NRK: variants seen among roughly 807,000 people sequenced by gnomAD.
NRK encodes the protein Nik related kinase.
A neutral mutation model predicts 125.2 loss-of-function variants in NRK; 67 were observed. The ratio of observed to expected loss-of-function variants is 0.54; its 90% CI spans 0.44 to 0.66. The LOEUF (loss-of-function observed/expected upper bound fraction) is 0.66. NRK is among the 30% of genes least tolerant of loss of function. The pLI is 0.00. For synonymous variants in NRK, 458 were observed against 429.0 expected, an observed-to-expected ratio of 1.07 and a Z score of -0.84; for missense variants, 1,224 against 1,192.9, an observed-to-expected ratio of 1.03 and a Z score of -0.38.
intron 10 of NRK, 127 bp downstream of exon 10, chrX:105,905,470 T>TA: frequency 1.9e-6 from 1 of 519,193 alleles, no homozygotes; most frequent in Non-Finnish European, 3.3e-6. Flanking sequence ...TAAAGTCTAA[T>TA]ATCTTAACTG....
At chrX:105,863,443 TTAA>T (rs2039628668) in intron 2 of NRK, among the ~76,000 whole-genome samples, 1 of 111,189 alleles carries the variant, frequency 9.0e-6, no homozygotes, top group Admixed American at 9.7e-5. Context: ...CGATGTTTAG[TTAA>T]TAATCTTTTC....
chrX:105,954,490 C>T (rs1283333759), intron 28 of NRK, among the ~76,000 whole-genome samples: 2 of 109,967 alleles, frequency 1.8e-5, no homozygotes, highest in African/African-American at 3.3e-5. Context: ...ACTATGATTG[C>T]TGCCTTTGTC....
chrX:105,824,809 G>T (rs749221132), intron 1 of NRK, among the ~76,000 whole-genome samples: 36 of 111,043 alleles, frequency 3.2e-4, no homozygotes, highest in African/African-American at 1.2e-3. Context: ...GATAAGATTG[G>T]TTTTTAATGT....
At chrX:105,875,792 G>A (rs750829642) in intron 2 of NRK, among the ~76,000 whole-genome samples, 1 of 110,795 alleles carries the variant, frequency 9.0e-6, no homozygotes, top group East Asian at 2.8e-4. Flanking sequence ...TGACTACAAA[G>A]CATTGTTACT....
intron 5 of NRK, among the ~76,000 whole-genome samples, chrX:105,891,659 GTCAC>G (rs1460509526): frequency 9.0e-6 from 1 of 111,415 alleles, no homozygotes; most frequent in Non-Finnish European, 1.9e-5. Flanking sequence ...ATTTCTGGGC[GTCAC>G]TCACAGAATT....
At chrX:105,832,236 G>A (rs1014959277) in intron 2 of NRK, among the ~76,000 whole-genome samples, 12 of 111,264 alleles carry the variant, frequency 1.1e-4, no homozygotes, top group Admixed American at 2.9e-4. Flanking sequence ...GAAAGTGACC[G>A]TTAAACTGAT....
chrX:105,857,958 G>A (rs970552111), intron 2 of NRK, among the ~76,000 whole-genome samples: 1 of 110,241 alleles, frequency 9.1e-6, no homozygotes, highest in Admixed American at 9.8e-5. Context: ...TCCCTGGATT[G>A]CCCAGGCCTG....
At chrX:105,857,892 A>G (rs1313066064) in intron 2 of NRK, among the ~76,000 whole-genome samples, 1 of 109,554 alleles carries the variant, frequency 9.1e-6, no homozygotes, top group Non-Finnish European at 1.9e-5. Context: ...CTCTCTCTGT[A>G]TGTGTCTTCT....
chrX:105,859,418 C>T (rs1288480137), intron 2 of NRK, among the ~76,000 whole-genome samples: 4 of 111,691 alleles, frequency 3.6e-5, no homozygotes, highest in African/African-American at 1.3e-4. Flanking sequence ...CAAGGAGCAT[C>T]AATAAATGAA....
At chrX:105,852,649 T>A (rs1477381146) in intron 2 of NRK, among the ~76,000 whole-genome samples, 1 of 111,557 alleles carries the variant, frequency 9.0e-6, no homozygotes, top group Non-Finnish European at 1.9e-5. Flanking sequence ...CAAAGCCAAA[T>A]GCATGAACTC....
chrX:105,883,902 G>A (rs2039912625), intron 4 of NRK, among the ~76,000 whole-genome samples: 1 of 112,910 alleles, frequency 8.9e-6, no homozygotes, highest in South Asian at 3.6e-4. Context: ...CTAGTCTTAT[G>A]CGGTGCCAGG....
rs1297208284 is a variant in NRK, at chrX:105,853,386, G to A, written c.123+22267G>A. On this transcript the variant is annotated intron_variant, in intron 2 of 28. Coordinates refer to ENST00000243300, the MANE Select transcript of NRK (RefSeq NM_198465.4). ...CCATCCTTTGAGGTGCTTCTTTGTT[G>A]CTTCATTGTGCATATTATCCTCACT... Among the ~76,000 whole-genome samples the A allele has an allele frequency of 2.7e-5, 3 of 111,470 alleles. No homozygotes were observed. In the South Asian group the frequency reaches 1.1e-3, roughly 42 times the overall value.
chrX:105,939,017 C>A (rs1423518982), intron 22 of NRK, among the ~76,000 whole-genome samples: 1 of 111,320 alleles, frequency 9.0e-6, no homozygotes, highest in East Asian at 2.8e-4. Flanking sequence ...AAAGTAACTG[C>A]CCCATGGTTC....
chrX:105,910,383 G>A (rs2040283137), intron 13 of NRK, among the ~76,000 whole-genome samples: 1 of 112,105 alleles, frequency 8.9e-6, no homozygotes, highest in Admixed American at 9.5e-5. Flanking sequence ...AAATGAGAAG[G>A]CAAAGCAGTT....
intron 1 of NRK, among the ~76,000 whole-genome samples, chrX:105,826,056 C>CTATA (rs780569234): frequency 4.3e-5 from 4 of 93,601 alleles, no homozygotes; most frequent in African/African-American, 1.6e-4. Flanking sequence ...CTCTCTCTCT[C>CTATA]TATATATATA....
At chrX:105,860,385 AT>A (rs779855169) in intron 2 of NRK, among the ~76,000 whole-genome samples, 8 of 111,204 alleles carry the variant, frequency 7.2e-5, no homozygotes, top group Non-Finnish European at 1.3e-4. Flanking sequence ...TATTTAACTT[AT>A]TTTCATTTAA....
chrX:105,863,104 GC>G (rs1347178310), intron 2 of NRK, among the ~76,000 whole-genome samples: 3 of 111,690 alleles, frequency 2.7e-5, no homozygotes, highest in African/African-American at 6.5e-5. Flanking sequence ...TGAAACCTCA[GC>G]CCAGGCTTTT....
intron 2 of NRK, among the ~76,000 whole-genome samples, chrX:105,858,436 G>A (rs1301481942): frequency 1.9e-5 from 2 of 106,189 alleles, no homozygotes; most frequent in Admixed American, 1.0e-4. Flanking sequence ...TGAAAGATAT[G>A]TGGATGGATG....
chrX:105,873,495 G>A (rs2147697938), intron 2 of NRK, among the ~76,000 whole-genome samples: 1 of 111,543 alleles, frequency 9.0e-6, no homozygotes, highest in African/African-American at 3.3e-5. Context: ...GTCATAAAGT[G>A]ATAAACTACT....
Sources: allele counts gnomAD v4.1 joint callset (sites outside exome capture counted in the v4.1 genomes callset), GRCh38; gene constraint gnomAD v4.1.1; transcripts MANE v1.5; gene names NCBI Gene and HGNC (gene_info 2026-07-23, HGNC 2026-07-21).